ZBTB20: variants seen among roughly 807,000 people sequenced by gnomAD.
ZBTB20 encodes zinc finger and BTB domain containing 20.
ZBTB20 carries 9 observed loss-of-function variants against 56.9 expected under a neutral mutation model. The observed-to-expected ratio is 0.16, with a 90% CI of 0.10 to 0.28. The LOEUF is 0.28. Ranked by LOEUF, ZBTB20 falls within the 10% of genes least tolerant of loss-of-function variation. The probability of loss-of-function intolerance (pLI) is 1.00; values close to 1 mark genes in which losing one functional copy is unlikely to be tolerated. For synonymous variants in ZBTB20, 417 were observed against 420.7 expected, an observed-to-expected ratio of 0.99 and a Z score of 0.11; for missense variants, 655 against 1,003.0, an observed-to-expected ratio of 0.65 and a Z score of 4.69.
intron 3 of ZBTB20, among the ~76,000 whole-genome samples, chr3:114,927,840 C>G (rs1274904690): frequency 6.6e-6 from 1 of 152,154 alleles, no homozygotes; most frequent in African/African-American, 2.4e-5. Flanking sequence ...GACATGGTAA[C>G]TTCAAACAGC....
At chr3:114,359,995 A>G (rs372766751) in intron 10 of ZBTB20, among the ~76,000 whole-genome samples, 15 of 152,202 alleles carry the variant, frequency 9.9e-5, no homozygotes, top group Admixed American at 2.6e-4. Flanking sequence ...TCTTTAAAGA[A>G]TATCATCACA....
At chr3:114,390,957 G>A (rs180975961) in intron 7 of ZBTB20, among the ~76,000 whole-genome samples, 301 of 151,364 alleles carry the variant, frequency 2.0e-3, no homozygotes, top group Non-Finnish European at 2.9e-3. Flanking sequence ...CAGTTACGTG[G>A]GCCTACAGCT....
chr3:114,484,821 G>A lies in ZBTB20; in HGVS notation c.-255+15531C>T, dbSNP rs1373560575. Among the ~76,000 whole-genome samples the A allele has an allele frequency of 3.0e-4, 45 of 150,604 alleles. 1 individual carries two copies. The highest frequency in any genetic ancestry group is 3.0e-3 in the Admixed American group (45 of 15,152). On this transcript the variant is annotated intron_variant, in intron 7 of 11. Transcript: ENST00000675478. ...AGAGTGTGTGTGTGTGTGTGTGTGC[G>A]CGTGCATGTGTGTGTGTGCGTGAGT...
intron 2 of ZBTB20, among the ~76,000 whole-genome samples, chr3:115,066,191 T>C (rs746467893): frequency 1.3e-5 from 2 of 152,134 alleles, no homozygotes; most frequent in Non-Finnish European, 2.9e-5. Context: ...GAATCTTTTA[T>C]ATCTTTCCTA....
intron 5 of ZBTB20, among the ~76,000 whole-genome samples, chr3:114,790,251 T>C (rs1451778582): frequency 6.6e-6 from 1 of 152,170 alleles, no homozygotes; most frequent in Non-Finnish European, 1.5e-5. Flanking sequence ...TCTTTAATAA[T>C]AGATGTTCAT....
rs2079235084 is a variant in ZBTB20 at position 114,331,091 on chromosome 3, T to C, written c.*7914A>G. 1 of 142,066 alleles carries C rather than the reference T, an allele frequency of 7.0e-6. No individual in the cohort carries two copies. The highest frequency in any genetic ancestry group is 2.7e-5 in the African/African-American group (1 of 37,542). 8.8% of individuals were successfully genotyped at this position (142,066 alleles called of 1,614,324 possible). On this transcript the variant is annotated 3_prime_UTR_variant, in exon 12 of 12. Transcript: ENST00000675478. ...CAGGCAGAATTAGGAAGCTTTAGTT[T>C]GAGAATAAAATTTATGTGTGTGTGT...
intron 4 of ZBTB20, among the ~76,000 whole-genome samples, chr3:114,877,202 C>A (rs985981715): frequency 3.3e-5 from 5 of 152,242 alleles, no homozygotes; most frequent in Admixed American, 3.3e-4. Context: ...ACTTAATCAA[C>A]CATTAAAACC....
chr3:114,380,235 G>C lies in ZBTB20; in HGVS notation c.181C>G (p.His61Asp). The change falls in exon 10 of 12, where the codon CAC becomes GAC. Residue 61 changes from histidine to aspartate, a missense_variant. Transcript: ENST00000675478. ...TACTCACAATCAGATGACCCGGTGT[G>C]AGCGTGAGAGTTTGTCAGTGAATGT... ...STHSLTNSHAHTGSSDCDISC... is the reference protein window; with the variant it reads ...STHSLTNSHADTGSSDCDISC... The C allele has an allele frequency of 1.3e-6, 2 of 1,536,862 alleles. No homozygotes were observed. Among genetic ancestry groups the C allele is most frequent in the Non-Finnish European group, 8.7e-7 (1 of 1,146,728 alleles).
intron 6 of ZBTB20, among the ~76,000 whole-genome samples, chr3:114,505,531 G>T (rs1263969493): frequency 2.0e-5 from 3 of 152,110 alleles, no homozygotes; most frequent in Non-Finnish European, 4.4e-5. Flanking sequence ...GGACAGAAAT[G>T]ACCTCTTATT....
intron 1 of ZBTB20, among the ~76,000 whole-genome samples, chr3:115,075,724 C>T (rs1560550615): frequency 6.6e-6 from 1 of 152,080 alleles, no homozygotes; most frequent in Non-Finnish European, 1.5e-5. Flanking sequence ...AGCAACACAG[C>T]AAGGATGTTC....
chr3:115,005,641 A>ATT (rs2079433734), intron 2 of ZBTB20, among the ~76,000 whole-genome samples: 2 of 151,834 alleles, frequency 1.3e-5, no homozygotes, highest in African/African-American at 4.8e-5. Flanking sequence ...AAAGAGAGAG[A>ATT]GTAGGTAACA....
intron 7 of ZBTB20, among the ~76,000 whole-genome samples, chr3:114,472,141 G>A (rs1360795375): frequency 2.6e-5 from 4 of 152,302 alleles, no homozygotes; most frequent in Middle Eastern, 6.8e-3. Flanking sequence ...TAGAATTTTT[G>A]TAGTAGCCAG....
chr3:114,753,850 G>A (rs1258882654), intron 5 of ZBTB20, among the ~76,000 whole-genome samples: 3 of 152,002 alleles, frequency 2.0e-5, no homozygotes, highest in Non-Finnish European at 4.4e-5. Flanking sequence ...ATAAAAGAAG[G>A]CATGGCATTA....
rs1446576724 is a variant in ZBTB20 at position 114,318,785 on chromosome 3, TC to T, written c.*20219del. The T allele has an allele frequency of 1.3e-5, 2 of 152,298 alleles. No individual in the cohort carries two copies. Among genetic ancestry groups the T allele is most frequent in the Middle Eastern group, 3.4e-3 (1 of 296 alleles). 9.4% of individuals were successfully genotyped at this position (152,298 alleles called of 1,614,324 possible). On this transcript the variant is annotated 3_prime_UTR_variant, in exon 12 of 12. Coordinates refer to ENST00000675478, the MANE Select transcript of ZBTB20 (RefSeq NM_001348800.3). ...AGCAGGGCTTCGGTGGCTTTGATAA[TC>T]TGACAGCTGTTATATTTTTCTCATT...
chr3:114,410,256 C>T (rs1288983297), intron 7 of ZBTB20, among the ~76,000 whole-genome samples: 1 of 151,998 alleles, frequency 6.6e-6, no homozygotes, highest in African/African-American at 2.4e-5. Context: ...TTCCTTGTTC[C>T]CTTCTCTCCT....
At chr3:115,137,924 C>T (rs2084695383) in intron 1 of ZBTB20, among the ~76,000 whole-genome samples, 2 of 152,076 alleles carry the variant, frequency 1.3e-5, no homozygotes, top group Admixed American at 1.3e-4. Flanking sequence ...TACTGCCTAA[C>T]TCTAGGTTAG....
chr3:114,600,570 T>C lies in ZBTB20; in HGVS notation c.-295+92958A>G, dbSNP rs941269933. Among the ~76,000 whole-genome samples, 13 of 152,170 alleles carry C rather than the reference T, an allele frequency of 8.5e-5. 1 individual carries two copies. Among genetic ancestry groups the C allele is most frequent in the African/African-American group, 2.9e-4 (12 of 41,556 alleles). Reference sequence around the variant, plus strand: ...GAGATTCTCAATCAGATAAATTCACTGTGCTCTATTTACTCTGGATGTTTG... The same window carrying C: ...GAGATTCTCAATCAGATAAATTCACCGTGCTCTATTTACTCTGGATGTTTG... On this transcript the variant is annotated intron_variant, in intron 6 of 11. Transcript: ENST00000675478.
intron 4 of ZBTB20, among the ~76,000 whole-genome samples, chr3:114,889,053 T>C (rs1483601348): frequency 6.6e-6 from 1 of 152,064 alleles, no homozygotes; most frequent in Non-Finnish European, 1.5e-5. Flanking sequence ...CTTTTAAAAA[T>C]ATATTTTTAA....
chr3:114,816,637 T>C (rs1041231894), intron 4 of ZBTB20, among the ~76,000 whole-genome samples: 1 of 152,180 alleles, frequency 6.6e-6, no homozygotes, highest in Non-Finnish European at 1.5e-5. Context: ...GCCCAAAGTA[T>C]GGGAGTTTTC....
Sources: allele counts gnomAD v4.1 joint callset (sites outside exome capture counted in the v4.1 genomes callset), GRCh38; gene constraint gnomAD v4.1.1; transcripts MANE v1.5; gene names NCBI Gene and HGNC (gene_info 2026-07-23, HGNC 2026-07-21).